Variants in LCLAT1 observed in about 807,000 individuals in gnomAD.
LCLAT1 encodes the protein 1-AGP acyltransferase 8.
Under a neutral mutation model 30.7 loss-of-function variants are expected in LCLAT1, and 11 were observed. The observed-to-expected ratio is 0.36, with a 90% CI of 0.23 to 0.59. The LOEUF (loss-of-function observed/expected upper bound fraction) is 0.59, where lower values mean the gene tolerates loss of function less well. Ranked by LOEUF, LCLAT1 falls within the 20% of genes least tolerant of loss-of-function variation. LCLAT1 has a pLI of 0.77. For missense variants in LCLAT1, 402 were observed against 458.6 expected, an observed-to-expected ratio of 0.88 and a Z score of 1.13; for synonymous variants, 155 against 151.3, an observed-to-expected ratio of 1.02 and a Z score of -0.18.
intron 3 of LCLAT1, among the ~76,000 whole-genome samples, chr2:30,561,940 G>A (rs1431489930): frequency 6.6e-6 from 1 of 151,982 alleles, no homozygotes; most frequent in Non-Finnish European, 1.5e-5. Flanking sequence ...GCAAACCTCA[G>A]GATTACCAAA....
At chr2:30,597,318 T>G (rs1306226850) in intron 5 of LCLAT1, among the ~76,000 whole-genome samples, 7 of 152,148 alleles carry the variant, frequency 4.6e-5, no homozygotes, top group Admixed American at 6.5e-5. Flanking sequence ...TCTGATTTCC[T>G]TGAGCAGTGA....
intron 5 of LCLAT1, among the ~76,000 whole-genome samples, chr2:30,599,646 A>G (rs1353565446): frequency 6.6e-6 from 1 of 151,478 alleles, no homozygotes; most frequent in Non-Finnish European, 1.5e-5. Context: ...TATTGAGTGC[A>G]TATATAGGAT....
At chr2:30,543,906 C>G (rs187064710) in intron 3 of LCLAT1, among the ~76,000 whole-genome samples, 1 of 152,090 alleles carries the variant, frequency 6.6e-6, no homozygotes, top group East Asian at 1.9e-4. Flanking sequence ...CTATTCTTAT[C>G]TTTATTATTT....
At chr2:30,448,086 C>A (rs1213727144) in intron 1 of LCLAT1, among the ~76,000 whole-genome samples, 4 of 152,330 alleles carry the variant, frequency 2.6e-5, no homozygotes, top group Non-Finnish European at 4.4e-5. Context: ...TCTTGTACTT[C>A]CCTGGTTCAG....
chr2:30,625,764 A>G (rs918615025), intron 5 of LCLAT1, among the ~76,000 whole-genome samples: 2 of 152,198 alleles, frequency 1.3e-5, no homozygotes, highest in Non-Finnish European at 1.5e-5. Context: ...CTGACTCTGT[A>G]GCTCCTGTTC....
chr2:30,479,870 A>T (rs748468003), intron 1 of LCLAT1, among the ~76,000 whole-genome samples: 7 of 152,234 alleles, frequency 4.6e-5, no homozygotes, highest in Non-Finnish European at 7.3e-5. Context: ...AGGAAAACTG[A>T]GTTCGGACCT....
intron 3 of LCLAT1, among the ~76,000 whole-genome samples, chr2:30,549,664 G>C (rs1202669846): frequency 6.6e-6 from 1 of 152,194 alleles, no homozygotes; most frequent in Non-Finnish European, 1.5e-5. Context: ...AACTTTAATA[G>C]ATAATTTGAC....
rs769290658 is a variant in LCLAT1 at position 30,640,670 on chromosome 2, T to G, written c.*51T>G. The G allele has an allele frequency of 9.2e-6, 14 of 1,519,132 alleles. No individual in the cohort carries two copies. The highest frequency in any genetic ancestry group is 1.2e-5 in the Non-Finnish European group (14 of 1,138,038). 94.1% of individuals were successfully genotyped at this position (1,519,132 alleles called of 1,614,324 possible). On this transcript the variant is annotated 3_prime_UTR_variant, in exon 6 of 6. Coordinates refer to ENST00000379509, the MANE Select transcript of LCLAT1 (RefSeq NM_001002257.3). ...CCTAGAGCATATTTTGGAAATGTTCTAAACCTTTCTAAGCTCAGATGCATT... is the reference window on the plus strand; with the variant it reads ...CCTAGAGCATATTTTGGAAATGTTCGAAACCTTTCTAAGCTCAGATGCATT...
chr2:30,606,015 G>T, intron 5 of LCLAT1: 1 of 1,297,664 alleles, frequency 7.7e-7, no homozygotes, highest in Non-Finnish European at 1.0e-6. Flanking sequence ...CTGTTGATCA[G>T]GCAGGAGGCA....
chr2:30,614,600 A>C (rs1667903352), intron 5 of LCLAT1, among the ~76,000 whole-genome samples: 1 of 152,216 alleles, frequency 6.6e-6, no homozygotes, highest in Admixed American at 6.5e-5. Context: ...GGGAAAGGCC[A>C]AAAAGCAGTT....
chr2:30,466,794 C>T (rs1216346501), intron 1 of LCLAT1, among the ~76,000 whole-genome samples: 2 of 152,072 alleles, frequency 1.3e-5, no homozygotes, highest in African/African-American at 2.4e-5. Context: ...ATGGGAACTA[C>T]AAGTCTTATA....
At chr2:30,637,720 A>G (rs188926711) in intron 5 of LCLAT1, among the ~76,000 whole-genome samples, 3 of 152,160 alleles carry the variant, frequency 2.0e-5, no homozygotes, top group Admixed American at 2.0e-4. Flanking sequence ...TGAGATTACA[A>G]GCGTGCGCCA....
intron 4 of LCLAT1, among the ~76,000 whole-genome samples, chr2:30,565,863 TTAAG>T (rs1165105808): frequency 1.3e-5 from 2 of 152,194 alleles, no homozygotes; most frequent in Non-Finnish European, 2.9e-5. Context: ...AAGTTTCTGT[TTAAG>T]TAGGGACTAA....
At chr2:30,541,564 T>C (rs1051108292) in intron 3 of LCLAT1, among the ~76,000 whole-genome samples, 51 of 152,226 alleles carry the variant, frequency 3.4e-4, no homozygotes, top group African/African-American at 1.2e-3. Context: ...CCATTTGTTA[T>C]AGGGTCTGTT....
chr2:30,480,170 A>G (rs955885997), intron 1 of LCLAT1, among the ~76,000 whole-genome samples: 12 of 152,186 alleles, frequency 7.9e-5, no homozygotes, highest in Admixed American at 5.2e-4. Flanking sequence ...AAAAGTAGCA[A>G]AAGGGCCAAA....
intron 3 of LCLAT1, among the ~76,000 whole-genome samples, chr2:30,533,651 A>G (rs1686089080): frequency 6.6e-6 from 1 of 152,222 alleles, no homozygotes; most frequent in Non-Finnish European, 1.5e-5. Context: ...GTCTGTGCTG[A>G]TAAAGTACTT....
chr2:30,506,788 G>C (rs829655), intron 1 of LCLAT1, among the ~76,000 whole-genome samples: 109,055 of 152,056 alleles, frequency 0.72, 40,557 homozygotes, highest in East Asian at 0.87. Flanking sequence ...ACAGCAGTTA[G>C]AAAATGCAGA....
At chr2:30,472,334 G>A (rs996240683) in intron 1 of LCLAT1, among the ~76,000 whole-genome samples, 68 of 152,242 alleles carry the variant, frequency 4.5e-4, no homozygotes, top group African/African-American at 1.6e-3. Context: ...CCCCTTCTAA[G>A]GCTTTACTTT....
chr2:30,513,713 GCTAA>G (rs1473215422), intron 1 of LCLAT1, among the ~76,000 whole-genome samples: 3 of 152,148 alleles, frequency 2.0e-5, no homozygotes, highest in South Asian at 4.1e-4. Flanking sequence ...TCACCCCTCT[GCTAA>G]CTGAGATAAA....
Sources: allele counts gnomAD v4.1 joint callset (sites outside exome capture counted in the v4.1 genomes callset), GRCh38; gene constraint gnomAD v4.1.1; transcripts MANE v1.5; gene names NCBI Gene and HGNC (gene_info 2026-07-23, HGNC 2026-07-21).